SLC6A13: variants seen among roughly 807,000 people sequenced by gnomAD.
SLC6A13 encodes sodium- and chloride-dependent GABA transporter 2.
A neutral mutation model predicts 72.9 loss-of-function variants in SLC6A13; 69 were observed. The ratio of observed to expected loss-of-function variants is 0.95; its 90% CI spans 0.78 to 1.16. SLC6A13 has a LOEUF of 1.16. Ranked by LOEUF, SLC6A13 falls within the 50% of genes most tolerant of loss-of-function variation. The pLI is 0.00. For synonymous variants in SLC6A13, 303 were observed against 303.0 expected, an observed-to-expected ratio of 1.00 and a Z score of 0.00; for missense variants, 735 against 760.5, an observed-to-expected ratio of 0.97 and a Z score of 0.39.
In SLC6A13 at chr12:221,045, G is replaced by A. The variant is rs745307936; in HGVS notation, c.1712C>T (p.Ala571Val). 8 of 1,610,154 alleles carry A rather than the reference G, an allele frequency of 5.0e-6. No homozygotes were observed. Among genetic ancestry groups the A allele is most frequent in the African/African-American group, 1.3e-5 (1 of 74,976 alleles). ...TGGGTTCCGCTGGGGCAGGTCCTCG[G>A]CTGGGCACATGAGCTGACGGATTCT... ...RERIRQLMCP[A>V]EDLPQRNPAG... is the part of the protein sequence containing the mutation. The change falls in exon 15 of 15, where the codon GCC becomes GTC. Residue 571 changes from alanine (A) to valine (V), a missense_variant. Ala to Val is a moderately conservative substitution (Grantham distance 64). Coordinates refer to ENST00000343164, the MANE Select transcript of SLC6A13 (RefSeq NM_016615.5).
intron 7 of SLC6A13, among the ~76,000 whole-genome samples, chr12:231,676 C>A (rs1029300403): frequency 2.0e-5 from 3 of 152,186 alleles, no homozygotes; most frequent in Admixed American, 2.0e-4. Flanking sequence ...AGAATGGTAT[C>A]CCAGAGTAGA....
At chr12:236,877 G>T in intron 6 of SLC6A13, 1 of 309,078 alleles carries the variant, frequency 3.2e-6, no homozygotes. Context: ...AGGGAACCAT[G>T]ACTTGTGTTC....
At chr12:229,335 T>C (rs537508009) in intron 7 of SLC6A13, among the ~76,000 whole-genome samples, 121 of 152,348 alleles carry the variant, frequency 7.9e-4, no homozygotes, top group Middle Eastern at 6.8e-3. Context: ...TTTGAGGAGA[T>C]GCCTTGGCCA....
chr12:221,627 C>T, intron 13 of SLC6A13, 81 bp from the exon 14 acceptor site: 2 of 906,526 alleles, frequency 2.2e-6, no homozygotes, highest in Non-Finnish European at 1.7e-6. Flanking sequence ...AGCAGCCTGG[C>T]AGAAATCACC....
At chr12:223,334 G>C in intron 11 of SLC6A13, 100 bp from the exon 12 acceptor site, 1 of 647,956 alleles carries the variant, frequency 1.5e-6, no homozygotes, top group South Asian at 2.3e-5. Context: ...GCACAGAGCA[G>C]AGTTGGTGAG....
At chr12:259,527 T>C (rs1451315353) in intron 2 of SLC6A13, 5 of 1,354,080 alleles carry the variant, frequency 3.7e-6, no homozygotes, top group Non-Finnish European at 3.8e-6. Flanking sequence ...GGAGCGGCAA[T>C]TGATGCTCTG....
At chr12:225,105 G>A (rs1003774947) in intron 9 of SLC6A13, among the ~76,000 whole-genome samples, 16 of 152,342 alleles carry the variant, frequency 1.1e-4, no homozygotes, top group African/African-American at 3.1e-4. Flanking sequence ...ACGCCCTCGC[G>A]GCGCGTGAAT....
intron 2 of SLC6A13, among the ~76,000 whole-genome samples, chr12:246,600 G>A (rs1250517691): frequency 6.6e-6 from 1 of 152,236 alleles, no homozygotes; most frequent in Non-Finnish European, 1.5e-5. Context: ...ACTACAGTGT[G>A]TGAGATTTAA....
rs556249899 is a variant in SLC6A13 at position 254,192 on chromosome 12, G to A, written c.202+5659C>T. Reference sequence around the variant, plus strand: ...GTTCAAATGTCAAGCTTCTTCAGCCGCCTCGCCAGCTCAGGGCCCCACCCC... The same window carrying A: ...GTTCAAATGTCAAGCTTCTTCAGCCACCTCGCCAGCTCAGGGCCCCACCCC... On this transcript the variant is annotated intron_variant, in intron 2 of 14. Coordinates refer to ENST00000343164, the MANE Select transcript of SLC6A13 (RefSeq NM_016615.5). This position sits in a 1 kb window ranked among gnomAD's most constrained non-coding sequence, Gnocchi z 4.4. Among the ~76,000 whole-genome samples the A allele has an allele frequency of 3.3e-5, 5 of 152,288 alleles. No individual in the cohort carries two copies. Among genetic ancestry groups the A allele is most frequent in the African/African-American group, 9.6e-5 (4 of 41,546 alleles).
At chr12:259,655 A>G in intron 2 of SLC6A13, 196 bp downstream of exon 2, 1 of 1,440,932 alleles carries the variant, frequency 6.9e-7, no homozygotes, top group Non-Finnish European at 9.1e-7. Flanking sequence ...ACGTTATAAT[A>G]GAAAGAGCCC....
In SLC6A13 at chr12:254,634, G is replaced by A. The variant is rs1416066542; in HGVS notation, c.202+5217C>T. Among the ~76,000 whole-genome samples, 1 of 151,974 alleles carries A rather than the reference G, an allele frequency of 6.6e-6. No homozygotes were observed. Among genetic ancestry groups the A allele is most frequent in the Non-Finnish European group, 1.5e-5 (1 of 68,000 alleles). ...CAGTTTCTCATTTTCTGTCTCCTCT[G>A]CTGGTTTCCCATCTTCTCCCAGACC... On this transcript the variant is annotated intron_variant, in intron 2 of 14. Transcript: ENST00000343164. The surrounding 1 kb of genome is among the most constrained non-coding windows in gnomAD (Gnocchi z 4.4).
At chr12:239,379 G>T (rs972332937) in intron 4 of SLC6A13, among the ~76,000 whole-genome samples, 3 of 152,026 alleles carry the variant, frequency 2.0e-5, no homozygotes, top group African/African-American at 7.2e-5. Context: ...CACACGTGGG[G>T]TGTGTTAGAT....
chr12:223,612 G>A, intron 11 of SLC6A13: 3 of 321,568 alleles, frequency 9.3e-6, no homozygotes, highest in Non-Finnish European at 1.2e-5. Flanking sequence ...CCCTTGAGAT[G>A]CCACAGAATG....
At chr12:234,486 T>G (rs112445545) in intron 7 of SLC6A13, among the ~76,000 whole-genome samples, 4,448 of 147,064 alleles carry the variant, frequency 0.03, 165 homozygotes, top group African/African-American at 0.09. Flanking sequence ...TTTCATTTTA[T>G]TTTATTTTAT....
At chr12:238,435 G>T in intron 4 of SLC6A13, 1 of 789,140 alleles carries the variant, frequency 1.3e-6, no homozygotes, top group Non-Finnish European at 1.9e-6. Context: ...CCACGGGTAT[G>T]AACTGTGCAG....
chr12:231,369 C>A (rs7968614), intron 7 of SLC6A13, among the ~76,000 whole-genome samples: 1 of 152,052 alleles, frequency 6.6e-6, no homozygotes, highest in Non-Finnish European at 1.5e-5. Flanking sequence ...TGGTCTGTGT[C>A]GGGGAGAAGA....
At chr12:251,940 C>T (rs1315324821) in intron 2 of SLC6A13, among the ~76,000 whole-genome samples, 2 of 152,076 alleles carry the variant, frequency 1.3e-5, no homozygotes, top group Non-Finnish European at 1.5e-5. Flanking sequence ...TGCACCATTG[C>T]ACTTCGGCCT....
At position 223,978 on chromosome 12, in the gene SLC6A13, TC is replaced by T; in HGVS notation, c.1311+13del. 1 of 1,603,460 alleles carries T rather than the reference TC, an allele frequency of 6.2e-7. No individual in the cohort carries two copies. Among genetic ancestry groups the T allele is most frequent in the Non-Finnish European group, 8.5e-7 (1 of 1,174,478 alleles). On this transcript the variant is annotated intron_variant, in intron 11 of 14. Transcript: ENST00000343164. ...TCCTCCTCCCCAGCCTTCCCCCGCT[TC>T]CCAGGCCCTCACCTCTGTGAGCATG...
intron 9 of SLC6A13, 34 bp from the exon 10 acceptor site, chr12:224,547 C>T: frequency 1.3e-6 from 2 of 1,559,030 alleles, no homozygotes; most frequent in African/African-American, 1.4e-5. Flanking sequence ...CGGGCCAGTG[C>T]CCGGGCCAGC....
Sources: gnomAD v4.1 joint callset for allele counts (sites outside exome capture counted in the v4.1 genomes callset) on GRCh38, gnomAD v4.1.1 for gene constraint, Gnocchi (gnomAD v3.1) non-coding constraint, MANE v1.5 for transcripts, NCBI Gene and HGNC (gene_info 2026-07-23, HGNC 2026-07-21) for gene names.